Variants in PRPF40B observed in about 807,000 individuals in gnomAD.
PRPF40B encodes pre-mRNA processing factor 40B, also known as pre-mRNA-processing factor 40 homolog B.
A neutral mutation model predicts 124.5 loss-of-function variants in PRPF40B; 56 were observed. The ratio of observed to expected loss-of-function variants is 0.45; its 90% CI spans 0.36 to 0.56. PRPF40B has a LOEUF of 0.56. Ranked by LOEUF, PRPF40B falls within the 20% of genes least tolerant of loss-of-function variation. PRPF40B has a pLI of 0.00. For synonymous variants in PRPF40B, 443 were observed against 426.4 expected (o/e 1.04, Z -0.48); for missense variants, 1,053 against 1,169.5 (o/e 0.90, Z 1.45).
chr12:49,625,947 T>G (rs566174826), intron 1 of PRPF40B, among the ~76,000 whole-genome samples: 25 of 152,354 alleles, frequency 1.6e-4, no homozygotes, highest in African/African-American at 5.5e-4. Flanking sequence ...TTATGTTTAT[T>G]CCATTGTTCT....
chr12:49,633,771 T>C (rs1941474327), intron 9 of PRPF40B, 110 bp downstream of exon 9: 4 of 1,604,960 alleles, frequency 2.5e-6, no homozygotes, highest in Non-Finnish European at 2.6e-6. Flanking sequence ...CTCTGTCTCC[T>C]TGTGGAGTCA....
In PRPF40B at chr12:49,635,951, C is replaced by G; in HGVS notation, c.1384C>G (p.Leu462Val). The change falls in exon 15 of 26, where the codon CTC (leucine) becomes GTC (valine). Residue 462 changes from leucine (L) to valine (V), a missense_variant. By Grantham distance (32) the Leu-to-Val change is conservative (BLOSUM62 1). This residue lies in a region of PRPF40B where 895 missense variants were observed against 1,052.2 expected (regional missense o/e 0.85). Coordinates refer to ENST00000548825, the MANE Select transcript of PRPF40B (RefSeq NM_001031698.3). This position sits in a 1 kb window ranked among gnomAD's most constrained non-coding sequence, Gnocchi z 4.1. ...CACGTGGTCCCAGGCCCAGCAGTAC[C>G]TCATGGATAACCCCAGCTTTGCTCA... is the stretch of plus-strand genomic sequence containing the variant. ...QTTWSQAQQY[L>V]MDNPSFAQDH... 6.2e-7 allele frequency: 1 copy of G among 1,614,158 alleles called. No individual in the cohort carries two copies. Among genetic ancestry groups the G allele is most frequent in the South Asian group, 1.1e-5 (1 of 91,086 alleles).
Position 49,631,314 on chromosome 12 carries a change from G to T in PRPF40B, c.85-87G>T. The T allele has an allele frequency of 1.0e-6, 1 of 955,748 alleles. No homozygotes were observed. The highest frequency in any genetic ancestry group is 1.5e-6 in the Non-Finnish European group (1 of 654,022). The allele number at this position is 955,748 out of a possible 1,614,324, so 59.2% of individuals were successfully genotyped here. A position where few individuals can be genotyped will look rare whatever the true frequency, so the allele number is the denominator to read the frequency against. On this transcript the variant is annotated intron_variant, in intron 2 of 25. Coordinates refer to ENST00000548825, the MANE Select transcript of PRPF40B (RefSeq NM_001031698.3). This position sits in a 1 kb window ranked among gnomAD's most constrained non-coding sequence, Gnocchi z 4.3. ...GCAGGGTGGAGGGTTGGGGAGGGAG[G>T]TGGTGGATATTTCCTGACAGGTCCT...
chr12:49,641,981 C>T lies in PRPF40B; in HGVS notation c.1841C>T (p.Ala614Val), dbSNP rs768704025. ...CACGTCATAAGCTTTGACAAGAGGG[C>T]TGCCGCACTGGACGCAGGCAACATC... ...FAHVISFDKR[A>V]AALDAGNIKL... The change falls in exon 19 of 26, where the codon GCT becomes GTT. Residue 614 changes from alanine (A) to valine (V), a missense_variant. Around this residue, in one of 2 missense-constraint regions of PRPF40B, gnomAD observed 895 missense variants for 1,052.2 expected, o/e 0.85. Coordinates refer to ENST00000548825, the MANE Select transcript of PRPF40B (RefSeq NM_001031698.3). 2.5e-6 allele frequency: 4 copies of T among 1,613,700 alleles called. No homozygotes were observed. Among genetic ancestry groups the T allele is most frequent in the Non-Finnish European group, 3.4e-6 (4 of 1,180,058 alleles).
At chr12:49,634,635 C>G (rs375813005) in intron 12 of PRPF40B, 33 bp downstream of exon 12, 4 of 1,613,336 alleles carry the variant, frequency 2.5e-6, no homozygotes, top group Admixed American at 3.3e-5. Flanking sequence ...AGGCCCTGTT[C>G]ATGAGAGCAG....
At chr12:49,634,248 G>C in intron 10 of PRPF40B, 84 bp from the exon 11 acceptor site, 2 of 1,605,108 alleles carry the variant, frequency 1.2e-6, no homozygotes, top group Non-Finnish European at 1.7e-6. Flanking sequence ...GAACAAGGAG[G>C]GGGTGATATG....
chr12:49,630,477 C>T, intron 1 of PRPF40B, 68 bp from the exon 2 acceptor site: 1 of 741,386 alleles, frequency 1.3e-6, no homozygotes, highest in Non-Finnish European at 2.4e-6. Context: ...ACCACTTCTG[C>T]TTCCCTTCTG....
rs753466497 is a variant in PRPF40B at position 49,642,269 on chromosome 12, G to A, written c.1919G>A (p.Arg640Gln). Reference protein sequence around the residue: ...LEKAEAREREREKEEARRMRR... With the variant: ...LEKAEAREREQEKEEARRMRR... ...AAAGCAGAGGCACGGGAGAGGGAGC[G>A]GGAGAAGGAGGAGGCACGCAGGATG... The change falls in exon 20 of 26, where the codon CGG (arginine) becomes CAG (glutamine). Residue 640 changes from arginine to glutamine, a missense_variant. Around this residue, in one of 2 missense-constraint regions of PRPF40B, gnomAD observed 895 missense variants for 1,052.2 expected, o/e 0.85. Coordinates refer to ENST00000548825, the MANE Select transcript of PRPF40B (RefSeq NM_001031698.3). This position sits in a 1 kb window ranked among gnomAD's most constrained non-coding sequence, Gnocchi z 5.8. 44 of 1,614,078 alleles carry A rather than the reference G, an allele frequency of 2.7e-5. No homozygotes were observed. Among genetic ancestry groups the A allele is most frequent in the South Asian group, 4.4e-5 (4 of 91,092 alleles).
rs767569237 is a variant in PRPF40B at position 49,643,918 on chromosome 12, A to AAAGAAC, written c.2508_2513dup (p.Glu837_Gln838dup). 2 of 1,614,218 alleles carry AAAGAAC rather than the reference A, an allele frequency of 1.2e-6. No homozygotes were observed. Among genetic ancestry groups the AAAGAAC allele is most frequent in the Admixed American group, 3.3e-5 (2 of 60,030 alleles). ...GAAAGCTGGCAAGGAGAGCGATGAG[A>AAAGAAC]AAGAACAAGAACAGGACAAGGACAG... On this transcript the variant is annotated inframe_insertion, in exon 25 of 26. Transcript: ENST00000548825.
In PRPF40B at chr12:49,642,900, T is replaced by G; in HGVS notation, c.2119-30T>G. On this transcript the variant is annotated intron_variant, in intron 21 of 25. Transcript: ENST00000548825. This position sits in a 1 kb window ranked among gnomAD's most constrained non-coding sequence, Gnocchi z 5.8. ...CTTCCTGGGGCTAAGTCTGGTGCTG[T>G]CCTCACCCTTCTTCCTCTGCCTCTA... The G allele has an allele frequency of 6.3e-7, 1 of 1,599,318 alleles. No homozygotes were observed. The highest frequency in any genetic ancestry group is 8.5e-7 in the Non-Finnish European group (1 of 1,171,482).
intron 1 of PRPF40B, among the ~76,000 whole-genome samples, chr12:49,629,315 T>TA (rs1941017070): frequency 6.6e-6 from 1 of 152,254 alleles, no homozygotes; most frequent in Admixed American, 6.5e-5. Context: ...CATTCTTGTT[T>TA]ATAACTGTAT....
At chr12:49,633,596 A>ATTGCCCCTGTGACTGACTGTGTTATCT in intron 8 of PRPF40B, 41 bp from the exon 9 acceptor site, 2 of 1,614,188 alleles carry the variant, frequency 1.2e-6, no homozygotes, top group Non-Finnish European at 1.7e-6. Flanking sequence ...GGGGCTCCCT[A>ATTGCCCCTGTGACTGACTGTGTTATCT]TTGCCCCTGT....
chr12:49,632,982 G>A (rs1193788929), intron 6 of PRPF40B, 32 bp from the exon 7 acceptor site: 1 of 1,603,146 alleles, frequency 6.2e-7, no homozygotes, highest in East Asian at 2.2e-5. Context: ...AAGGGGCCTT[G>A]ACCACCATTC....
chr12:49,637,921 C>T (rs1942069235), intron 18 of PRPF40B, 97 bp downstream of exon 18: 2 of 939,582 alleles, frequency 2.1e-6, no homozygotes, highest in Admixed American at 2.1e-5. Flanking sequence ...AGAAGCATTA[C>T]AGCTTGGTTC....
intron 18 of PRPF40B, chr12:49,639,169 G>C (rs990402794): frequency 6.6e-6 from 1 of 152,216 alleles, no homozygotes; most frequent in South Asian, 2.1e-4. Context: ...GATCAGATTA[G>C]ATGGTGTATA....
At position 49,634,018 on chromosome 12, in the gene PRPF40B, A is replaced by G; in HGVS notation, c.738A>G (p.Glu246=). The change falls in exon 10 of 26, where the codon GAA becomes GAG. Residue 246 remains glutamate (E), a synonymous_variant. Transcript: ENST00000548825. ...GLLEPEPGGS[E]DCDVLEATQP... Reference sequence around the variant, plus strand: ...TGGAACCTGAGCCAGGTGGGAGTGAAGATTGTGATGTGTTGGAGGCCACCC... The same window carrying G: ...TGGAACCTGAGCCAGGTGGGAGTGAGGATTGTGATGTGTTGGAGGCCACCC... 1 of 1,614,102 alleles carries G rather than the reference A, an allele frequency of 6.2e-7. No individual in the cohort carries two copies. Among genetic ancestry groups the G allele is most frequent in the Non-Finnish European group, 8.5e-7 (1 of 1,179,982 alleles).
chr12:49,627,360 C>T (rs1174948346), intron 1 of PRPF40B, among the ~76,000 whole-genome samples: 1 of 151,910 alleles, frequency 6.6e-6, no homozygotes, highest in East Asian at 1.9e-4. Context: ...TGGATAATTG[C>T]CGAAGGAGAA....
At chr12:49,636,094 C>G in intron 15 of PRPF40B, 101 bp downstream of exon 15, 1 of 1,445,648 alleles carries the variant, frequency 6.9e-7, no homozygotes, top group Non-Finnish European at 9.5e-7. Context: ...CTCCTGCCCT[C>G]CCGGACACCC....
chr12:49,630,646 T>C, intron 2 of PRPF40B, 21 bp downstream of exon 2: 1 of 1,149,156 alleles, frequency 8.7e-7, no homozygotes, highest in Non-Finnish European at 1.3e-6. Flanking sequence ...TGTCTTTCCC[T>C]GGGCTTGGCT....
Sources: allele counts gnomAD v4.1 joint callset (sites outside exome capture counted in the v4.1 genomes callset), GRCh38; gene constraint gnomAD v4.1.1; regional missense constraint gnomAD v4.1.1; non-coding constraint Gnocchi (gnomAD v3.1); transcripts MANE v1.5; gene names NCBI Gene and HGNC (gene_info 2026-07-23, HGNC 2026-07-21).